Variants in RAD52 observed in about 807,000 individuals in gnomAD.
The protein encoded by RAD52 is DNA repair protein RAD52 homolog.
Under a neutral mutation model 55.5 loss-of-function variants are expected in RAD52, and 47 were observed. The ratio of observed to expected loss-of-function variants is 0.85; its 90% confidence interval spans 0.67 to 1.08. RAD52 has a LOEUF of 1.08. RAD52 is among the 50% of genes least tolerant of loss of function. The probability of loss-of-function intolerance (pLI) is 0.00; values close to 1 mark genes in which losing one functional copy is unlikely to be tolerated. For missense variants in RAD52, 468 were observed against 522.8 expected, an observed-to-expected ratio of 0.90 and a Z score of 1.02; for synonymous variants, 184 against 198.9, an observed-to-expected ratio of 0.92 and a Z score of 0.63.
chr12:952,667 G>A (rs906600825), upstream of RAD52, among the ~76,000 whole-genome samples: 9 of 151,144 alleles, frequency 6.0e-5, no homozygotes, highest in African/African-American at 1.2e-4. Flanking sequence ...CGAGAGGATC[G>A]CCTTGACCAG....
exon 1 of RAD52, chr12:989,884 G>A (rs900965605): frequency 2.0e-5 from 3 of 152,200 alleles, no homozygotes; most frequent in African/African-American, 7.2e-5. Context: ...AATAGTCAAA[G>A]GATGACTTTT....
At chr12:953,809 C>T (rs1445988221), upstream of RAD52, among the ~76,000 whole-genome samples, 2 of 152,188 alleles carry the variant, frequency 1.3e-5, no homozygotes, top group East Asian at 3.8e-4. Context: ...CTACCTTCCC[C>T]ACTGTGAACA....
chr12:939,846 G>A (rs1234652364), intron 1 of RAD52, among the ~76,000 whole-genome samples: 2 of 152,190 alleles, frequency 1.3e-5, no homozygotes, highest in South Asian at 2.1e-4. Flanking sequence ...GGAAGCTGAG[G>A]CAGGCGGATC....
At chr12:958,481 G>A (rs1363306457) in intron 1 of RAD52, among the ~76,000 whole-genome samples, 1 of 152,192 alleles carries the variant, frequency 6.6e-6, no homozygotes, top group African/African-American at 2.4e-5. Flanking sequence ...CTTCCATTGT[G>A]CTGGGATTAC....
chr12:915,262 G>A (rs1038531141), intron 9 of RAD52, among the ~76,000 whole-genome samples: 4 of 152,194 alleles, frequency 2.6e-5, no homozygotes, highest in African/African-American at 9.7e-5. Context: ...CAATCTACCC[G>A]GGAGCTTCTG....
intron 1 of RAD52, among the ~76,000 whole-genome samples, chr12:985,887 G>A (rs1592503616): frequency 6.6e-6 from 1 of 150,600 alleles, no homozygotes; most frequent in African/African-American, 2.4e-5. Flanking sequence ...TGATCCACCC[G>A]CCTTGGCCTC....
rs1395023618 is a variant in RAD52, at chr12:940,535, AGCAGTGAGCAGAGGTT to A, written c.-18-7475_-18-7460del. ...TTGCTTGAACCCGGGAGGCAGAGGTAGCAGTGAGCAGAGGTTGCAGTGAGCCAAGATTGCGCCACTG... is the reference window on the plus strand; with the variant it reads ...TTGCTTGAACCCGGGAGGCAGAGGTAGCAGTGAGCCAAGATTGCGCCACTG... On this transcript the variant is annotated intron_variant, in intron 1 of 11. Coordinates refer to ENST00000358495, the MANE Select transcript of RAD52 (RefSeq NM_134424.4). 2.0e-5 allele frequency among the ~76,000 whole-genome samples: 3 copies of A among 152,006 alleles called. No homozygotes were observed. In the East Asian group the frequency reaches 5.8e-4, roughly 30 times the overall value.
rs1956155085 is a variant in RAD52, at chr12:912,722, C to CAACAAAAA, written c.*668_*669insTTTTTGTT. Reference sequence around the variant, plus strand: ...AGGGCAACACAGCCAGACCCCGTCTCAAAAAAAAAAAAAAAAAAAAAAACA... The same window carrying CAACAAAAA: ...AGGGCAACACAGCCAGACCCCGTCTCAACAAAAAAAAAAAAAAAAAAAAAAAAAAAACA... On this transcript the variant is annotated 3_prime_UTR_variant, in exon 12 of 12. Coordinates refer to ENST00000358495, the MANE Select transcript of RAD52 (RefSeq NM_134424.4). 1 of 72,854 alleles carries CAACAAAAA rather than the reference C, an allele frequency of 1.4e-5. No individual in the cohort carries two copies. The highest frequency in any genetic ancestry group is 5.7e-4 in the South Asian group (1 of 1,764). The allele number at this position is 72,854 out of a possible 1,614,324, so 4.5% of individuals were successfully genotyped here. A position where few individuals can be genotyped will look rare whatever the true frequency, so the allele number is the denominator to read the frequency against.
intron 1 of RAD52, among the ~76,000 whole-genome samples, chr12:965,862 T>G (rs541369391): frequency 2.0e-5 from 3 of 152,148 alleles, no homozygotes; most frequent in South Asian, 4.1e-4. Context: ...AATTTTTGTA[T>G]TTTTAGTAGA....
chr12:956,208 C>T (rs767303444), intron 1 of RAD52, among the ~76,000 whole-genome samples: 3 of 152,156 alleles, frequency 2.0e-5, no homozygotes, highest in Admixed American at 6.5e-5. Context: ...CATCTTCCAA[C>T]GCAATAAGCA....
At chr12:973,163 G>A (rs963054457) in intron 1 of RAD52, among the ~76,000 whole-genome samples, 1 of 151,066 alleles carries the variant, frequency 6.6e-6, no homozygotes, top group Non-Finnish European at 1.5e-5. Flanking sequence ...TCCCCCTCCC[G>A]GGTTGACACC....
chr12:972,067 A>G (rs1289438279), intron 1 of RAD52, among the ~76,000 whole-genome samples: 1 of 152,182 alleles, frequency 6.6e-6, no homozygotes, highest in East Asian at 1.9e-4. Context: ...AGGGGAATTA[A>G]TCACAAAATA....
At chr12:931,109 G>C (rs1347499215) in intron 3 of RAD52, 111 bp downstream of exon 3, 1 of 816,074 alleles carries the variant, frequency 1.2e-6, no homozygotes. Flanking sequence ...AGACCTCCAG[G>C]AACAGTTAAC....
At chr12:977,948 T>C (rs1283479571) in intron 1 of RAD52, among the ~76,000 whole-genome samples, 1 of 152,196 alleles carries the variant, frequency 6.6e-6, no homozygotes, top group Non-Finnish European at 1.5e-5. Flanking sequence ...CAGCTGTGAA[T>C]GGGACATTGA....
intron 1 of RAD52, among the ~76,000 whole-genome samples, chr12:965,136 C>T (rs890318819): frequency 2.9e-4 from 44 of 151,940 alleles, no homozygotes; most frequent in African/African-American, 9.0e-4. Context: ...CGCACCACCA[C>T]GCCCGGCTAA....
intron 5 of RAD52, among the ~76,000 whole-genome samples, chr12:927,754 T>A (rs758223959): frequency 1.2e-4 from 19 of 152,102 alleles, no homozygotes; most frequent in South Asian, 4.2e-4. Context: ...TAATCCCAGC[T>A]ACTCAGGAGA....
upstream of RAD52, chr12:990,507 G>C (rs998672120): frequency 6.6e-6 from 1 of 152,230 alleles, no homozygotes; most frequent in African/African-American, 2.4e-5. Context: ...GCACAGCGCA[G>C]GGTCGGAACG....
At chr12:979,680 T>TG (rs1447973998) in intron 1 of RAD52, among the ~76,000 whole-genome samples, 75 of 152,276 alleles carry the variant, frequency 4.9e-4, no homozygotes, top group Admixed American at 4.9e-3. Flanking sequence ...ACCTTGATCT[T>TG]GGACTTCTAG....
At chr12:934,442 G>GAC (rs10695134) in intron 1 of RAD52, among the ~76,000 whole-genome samples, 146,578 of 147,982 alleles carry the variant, frequency 0.99, 72,614 homozygotes, top group East Asian at 1. Flanking sequence ...CAGCCTGGGC[G>GAC]AGAGTGAGAC....
Sources: allele counts gnomAD v4.1 joint callset (sites outside exome capture counted in the v4.1 genomes callset), GRCh38; gene constraint gnomAD v4.1.1; transcripts MANE v1.5; gene names NCBI Gene and HGNC (gene_info 2026-07-23, HGNC 2026-07-21).